The following DNHD1 variants were observed in gnomAD, a reference collection of about 807,000 sequenced individuals.
The protein encoded by DNHD1 is dynein heavy chain domain-containing protein 1.
Under a neutral mutation model 458.1 loss-of-function variants are expected in DNHD1, and 383 were observed. The observed-to-expected ratio is 0.84, with a 90% CI of 0.77 to 0.91. The LOEUF is 0.91. Ranked by LOEUF, DNHD1 falls within the 40% of genes least tolerant of loss-of-function variation. DNHD1 has a pLI of 0.00. For synonymous variants in DNHD1, 2,203 were observed against 2,376.9 expected (o/e 0.93, Z 2.13); for missense variants, 5,336 against 5,866.1 (o/e 0.91, Z 2.95).
chr11:6,570,150 G>T, intron 40 of DNHD1, 50 bp downstream of exon 40: 1 of 1,613,454 alleles, frequency 6.2e-7, no homozygotes. Context: ...AGGAGAGCCT[G>T]GAAGAGGGTG....
Position 6,498,904 on chromosome 11 carries a change from A to T in DNHD1, c.689A>T (p.Tyr230Phe), listed in dbSNP as rs767766408. The T allele has an allele frequency of 6.2e-7, 1 of 1,613,688 alleles. No homozygotes were observed. The highest frequency in any genetic ancestry group is 1.1e-5 in the South Asian group (1 of 90,988). ...CTGGCAGCGGACATCCCTGTACGGT[A>T]TGAAAGCAGTGACACTGACAATGCA... ...LALAADIPVRYESSDTDNAEV... is the reference protein window; with the variant it reads ...LALAADIPVRFESSDTDNAEV... Residue 230 changes from tyrosine to phenylalanine, a missense_variant, in exon 3 of 43, where the codon TAT becomes TTT. Transcript: ENST00000254579.
chr11:6,543,364 A>G (rs1853138466), intron 18 of DNHD1, among the ~76,000 whole-genome samples: 2 of 152,332 alleles, frequency 1.3e-5, no homozygotes, highest in East Asian at 1.9e-4. Flanking sequence ...CACTAAGACT[A>G]TGAGAGAAAA....
chr11:6,530,718 G>A (rs1482617230), intron 12 of DNHD1, among the ~76,000 whole-genome samples: 1 of 152,098 alleles, frequency 6.6e-6, no homozygotes, highest in Non-Finnish European at 1.5e-5. Context: ...GTATCCAGTG[G>A]GCCACTAAAA....
At chr11:6,525,818 TA>T (rs1452034180) in intron 10 of DNHD1, among the ~76,000 whole-genome samples, 1 of 152,228 alleles carries the variant, frequency 6.6e-6, no homozygotes, top group Non-Finnish European at 1.5e-5. Flanking sequence ...TTCGATAGTC[TA>T]ATTTTATTTG....
Position 6,502,765 on chromosome 11 carries a change from C to T in DNHD1, c.759C>T (p.Asp253=). Residue 253 remains aspartate, a synonymous_variant, in exon 4 of 43, where the codon GAC becomes GAT. Coordinates refer to ENST00000254579, the MANE Select transcript of DNHD1 (RefSeq NM_144666.3). ...TTCTGTCACACAGGTCTCAGCTTGA[C>T]TATGAAGTTCCCAGGGAAAAGGCCT... ...VGRKETRSQL[D]YEVPREKAFQ... is the part of the protein sequence containing the mutation. 6.2e-7 allele frequency: 1 copy of T among 1,600,204 alleles called. No individual in the cohort carries two copies. Among genetic ancestry groups the T allele is most frequent in the Non-Finnish European group, 8.5e-7 (1 of 1,174,318 alleles).
chr11:6,546,723 C>G lies in DNHD1; in HGVS notation c.5784C>G (p.Leu1928=). 1 of 1,551,776 alleles carries G rather than the reference C, an allele frequency of 6.4e-7. No individual in the cohort carries two copies. Among genetic ancestry groups the G allele is most frequent in the Non-Finnish European group, 8.7e-7 (1 of 1,146,994 alleles). ...TCAATGGGCTCCACCTGCACAACCT[C>G]CGAGGGCTGTTGTGTGCGCTTTTCC... is the stretch of plus-strand genomic sequence containing the variant. The part of the protein sequence containing the change: ...SILNGLHLHN[L]RGLLCALFPS... Residue 1928 remains leucine (L), a synonymous_variant, in exon 21 of 43, where the codon CTC becomes CTG. Transcript: ENST00000254579.
chr11:6,534,024 G>A lies in DNHD1; in HGVS notation c.2849G>A (p.Gly950Asp). ...GCAGCAGCATTGGCAGAGCTGGAAG[G>A]CCTGCTTGCGAAGGCCCTCTCCGGT... ...LMAAALAELE[G>D]LLAKALSGPF... Residue 950 changes from glycine (G) to aspartate (D), a missense_variant, in exon 14 of 43, where the codon GGC becomes GAC. Around this residue, in one of 4 missense-constraint regions of DNHD1, gnomAD observed 3,932 missense variants for 4,365.6 expected, o/e 0.90. Coordinates refer to ENST00000254579, the MANE Select transcript of DNHD1 (RefSeq NM_144666.3). 1 of 1,551,580 alleles carries A rather than the reference G, an allele frequency of 6.4e-7. No homozygotes were observed. Among genetic ancestry groups the A allele is most frequent in the Non-Finnish European group, 8.7e-7 (1 of 1,146,964 alleles).
chr11:6,520,007 G>A lies in DNHD1; in HGVS notation c.1690G>A (p.Asp564Asn). The A allele has an allele frequency of 6.2e-7, 1 of 1,614,142 alleles. No homozygotes were observed. Among genetic ancestry groups the A allele is most frequent in the South Asian group, 1.1e-5 (1 of 91,086 alleles). Residue 564 changes from aspartate to asparagine, a missense_variant, in exon 9 of 43, where the codon GAT becomes AAT. Coordinates refer to ENST00000254579, the MANE Select transcript of DNHD1 (RefSeq NM_144666.3). ...CTTTCTCTCATCACAGCTGGTCTTT[G>A]ATGATCATGGTCAACTGTCTCATGT... Reference protein sequence around the residue: ...KPFLSSQLVFDDHGQLSHVPC... With the variant: ...KPFLSSQLVFNDHGQLSHVPC...
In DNHD1 at chr11:6,501,897, G is replaced by A. The variant is rs1340601065; in HGVS notation, c.747-856G>A. Among the ~76,000 whole-genome samples the A allele has an allele frequency of 2.6e-5, 4 of 152,202 alleles. No homozygotes were observed. In the East Asian group the frequency reaches 7.7e-4, roughly 29 times the overall value. ...ACACAACAGTTCATCAAGGACATATGTATAAAGGTTATAAACCATATTGTT... is the reference window on the plus strand; with the variant it reads ...ACACAACAGTTCATCAAGGACATATATATAAAGGTTATAAACCATATTGTT... On this transcript the variant is annotated intron_variant, in intron 3 of 42. Transcript: ENST00000254579.
intron 26 of DNHD1, 77 bp downstream of exon 26, chr11:6,558,770 T>C: frequency 6.6e-7 from 1 of 1,509,102 alleles, no homozygotes; most frequent in East Asian, 2.5e-5. Flanking sequence ...TCAGTCTCTC[T>C]CTCTCCCTCT....
rs759501643 is a variant in DNHD1 at position 6,539,225 on chromosome 11, G to A, written c.3332G>A (p.Gly1111Glu). 1.9e-6 allele frequency: 3 copies of A among 1,550,490 alleles called. No individual in the cohort carries two copies. The African/African-American group carries it at 4.1e-5, about 21-fold the overall frequency. The change falls in exon 17 of 43, where the codon GGG becomes GAG. Residue 1111 changes from glycine to glutamate, a missense_variant. This residue lies in a region of DNHD1 where 3,932 missense variants were observed against 4,365.6 expected (regional missense o/e 0.90). Coordinates refer to ENST00000254579, the MANE Select transcript of DNHD1 (RefSeq NM_144666.3). ...LNCQCLLRALGLGSLQTIELL... is the reference protein window; with the variant it reads ...LNCQCLLRALELGSLQTIELL... The stretch of plus-strand genomic sequence containing the variant: ...TTGTTTTCTCTACCTCCAGCCCTTG[G>A]GCTGGGCAGTCTCCAAACTATAGAA...
chr11:6,540,590 AC>A (rs1853078370), intron 18 of DNHD1, among the ~76,000 whole-genome samples: 1 of 152,214 alleles, frequency 6.6e-6, no homozygotes, highest in Non-Finnish European at 1.5e-5. Flanking sequence ...ACAATGGAGC[AC>A]CTTACTGAGG....
Position 6,570,989 on chromosome 11 carries a change from A to G in DNHD1, c.13477A>G (p.Ser4493Gly). The change falls in exon 42 of 43, where the codon AGC becomes GGC. Residue 4493 changes from serine (S) to glycine (G), a missense_variant. By Grantham distance (56) the Ser-to-Gly change is moderately conservative. Coordinates refer to ENST00000254579, the MANE Select transcript of DNHD1 (RefSeq NM_144666.3). ...CTTAGAGACCGAGGCTCTAGAACTGAGCCAGTTGGTGGGCACGCTACAACG... is the reference window on the plus strand; with the variant it reads ...CTTAGAGACCGAGGCTCTAGAACTGGGCCAGTTGGTGGGCACGCTACAACG... ...GVLETEALEL[S>G]QLVGTLQRDL... 1 of 1,602,622 alleles carries G rather than the reference A, an allele frequency of 6.2e-7. No homozygotes were observed. Among genetic ancestry groups the G allele is most frequent in the East Asian group, 2.2e-5 (1 of 44,594 alleles).
In DNHD1 at chr11:6,571,842, G is replaced by A. The variant is rs752064786; in HGVS notation, c.14118G>A (p.Ser4706=). The A allele has an allele frequency of 6.8e-6, 11 of 1,613,894 alleles. No individual in the cohort carries two copies. The highest frequency in any genetic ancestry group is 1.7e-5 in the Admixed American group (1 of 60,026). The change falls in exon 43 of 43, where the codon TCG becomes TCA. Residue 4706 remains serine, a synonymous_variant. Coordinates refer to ENST00000254579, the MANE Select transcript of DNHD1 (RefSeq NM_144666.3). This position sits in a 1 kb window ranked among gnomAD's most constrained non-coding sequence, Gnocchi z 5.0. ...LPAPADLTVY[S]CPVYMGGPLG... ...CCCCAGCCGACCTGACTGTGTACTCGTGTCCTGTGTACATGGGAGGGCCCC... is the reference window on the plus strand; with the variant it reads ...CCCCAGCCGACCTGACTGTGTACTCATGTCCTGTGTACATGGGAGGGCCCC...
At position 6,529,706 on chromosome 11, in the gene DNHD1, T is replaced by G. The variant is rs1852788025; in HGVS notation, c.2347+585T>G. Reference sequence around the variant, plus strand: ...TTCCTTCCCAAGGTGCCACCTGTACTGGGGAAGGCCGGTGGGCTGGCTTCT... The same window carrying G: ...TTCCTTCCCAAGGTGCCACCTGTACGGGGGAAGGCCGGTGGGCTGGCTTCT... On this transcript the variant is annotated intron_variant, in intron 12 of 42. Coordinates refer to ENST00000254579, the MANE Select transcript of DNHD1 (RefSeq NM_144666.3). Among the ~76,000 whole-genome samples, 3 of 152,196 alleles carry G rather than the reference T, an allele frequency of 2.0e-5. No individual in the cohort carries two copies. In the South Asian group the frequency reaches 6.2e-4, roughly 31 times the overall value.
rs1024036201 is a variant in DNHD1, at chr11:6,548,066, G to C, written c.6905+26G>C. 5.8e-6 allele frequency: 9 copies of C among 1,551,512 alleles called. No homozygotes were observed. Among genetic ancestry groups the C allele is most frequent in the Non-Finnish European group, 7.8e-6 (9 of 1,146,946 alleles). On this transcript the variant is annotated intron_variant, in intron 22 of 42. Transcript: ENST00000254579. This position sits in a 1 kb window ranked among gnomAD's most constrained non-coding sequence, Gnocchi z 4.4. ...GTACCTACCAGGATGGGGGATGGGA[G>C]ATGCAGAGGGCTGAGATGGACTGGC...
chr11:6,548,297 T>C lies in DNHD1; in HGVS notation c.6993T>C (p.Phe2331=), dbSNP rs552361012. ...AGCCACCACCCTCAGCCTTGGTGTT[T>C]GATCTACATGTAAGCCCTGAAGATG... ...YPEPPPSALV[F]DLHVSPEDGT... The change falls in exon 23 of 43, where the codon TTT becomes TTC. Residue 2331 remains phenylalanine, a synonymous_variant. Transcript: ENST00000254579. The surrounding 1 kb of genome is among the most constrained non-coding windows in gnomAD (Gnocchi z 4.4). 6.4e-7 allele frequency: 1 copy of C among 1,551,694 alleles called. No homozygotes were observed. Among genetic ancestry groups the C allele is most frequent in the East Asian group, 2.4e-5 (1 of 40,922 alleles).
intron 24 of DNHD1, among the ~76,000 whole-genome samples, chr11:6,552,310 G>A (rs1853371998): frequency 6.6e-6 from 1 of 151,962 alleles, no homozygotes; most frequent in Admixed American, 6.6e-5. Flanking sequence ...GATCCCTTGA[G>A]GTCAGGAGTT....
In DNHD1 at chr11:6,563,540, G is replaced by A; in HGVS notation, c.9828G>A (p.Leu3276=). ...HETGWASAKQ[L]LCTEDFYQEL... is the part of the protein sequence containing the mutation. ...CAGGCTGGGCCAGTGCCAAACAGCT[G>A]TTATGCACTGAGGATTTTTATCAGG... The change falls in exon 30 of 43, where the codon CTG becomes CTA. Residue 3276 remains leucine (L), a synonymous_variant. Coordinates refer to ENST00000254579, the MANE Select transcript of DNHD1 (RefSeq NM_144666.3). 2 of 1,551,712 alleles carry A rather than the reference G, an allele frequency of 1.3e-6. No individual in the cohort carries two copies. Among genetic ancestry groups the A allele is most frequent in the Non-Finnish European group, 1.7e-6 (2 of 1,146,996 alleles).
Sources: allele counts gnomAD v4.1 joint callset (sites outside exome capture counted in the v4.1 genomes callset), GRCh38; gene constraint gnomAD v4.1.1; regional missense constraint gnomAD v4.1.1; non-coding constraint Gnocchi (gnomAD v3.1); transcripts MANE v1.5; gene names NCBI Gene and HGNC (gene_info 2026-07-23, HGNC 2026-07-21).